CTNNA2: variants seen among roughly 807,000 people sequenced by gnomAD.
The protein encoded by CTNNA2 is catenin alpha 2.
CTNNA2 carries 42 observed loss-of-function variants against 101.0 expected under a neutral mutation model. That is an observed-to-expected ratio of 0.42 (90% confidence interval 0.32 to 0.54). CTNNA2 has a LOEUF of 0.54. Ranked by LOEUF, CTNNA2 falls within the 20% of genes least tolerant of loss-of-function variation. CTNNA2 has a pLI of 0.14. For synonymous variants in CTNNA2, 450 were observed against 456.4 expected (o/e 0.99, Z 0.18); for missense variants, 871 against 1,223.1 (o/e 0.71, Z 4.29).
chr2:80,228,790 T>C (rs1709036644), intron 7 of CTNNA2, among the ~76,000 whole-genome samples: 1 of 152,218 alleles, frequency 6.6e-6, no homozygotes, highest in Non-Finnish European at 1.5e-5. Context: ...TAGGAGAGCT[T>C]ACGTCACCAT....
intron 7 of CTNNA2, among the ~76,000 whole-genome samples, chr2:79,986,375 AC>A (rs1440808441): frequency 6.6e-6 from 1 of 152,036 alleles, no homozygotes; most frequent in African/African-American, 2.4e-5. Flanking sequence ...TCTTGGCCCT[AC>A]CTACGGCACC....
chr2:79,337,037 A>G (rs1367227701), intron 3 of CTNNA2, among the ~76,000 whole-genome samples: 1 of 152,122 alleles, frequency 6.6e-6, no homozygotes, highest in Non-Finnish European at 1.5e-5. Flanking sequence ...CCTCTACTAG[A>G]TGCCTTTTCT....
intron 7 of CTNNA2, among the ~76,000 whole-genome samples, chr2:79,913,429 T>A (rs935335771): frequency 1.3e-5 from 2 of 152,148 alleles, no homozygotes; most frequent in African/African-American, 2.4e-5. Flanking sequence ...TGTATGGTGC[T>A]GAGGCATCAG....
At chr2:79,973,243 T>A (rs1057497162) in intron 7 of CTNNA2, among the ~76,000 whole-genome samples, 2 of 152,166 alleles carry the variant, frequency 1.3e-5, no homozygotes, top group Non-Finnish European at 2.9e-5. Flanking sequence ...TCAAAATCAA[T>A]GGCTGATGTT....
At chr2:79,306,415 T>C (rs1269250884) in intron 2 of CTNNA2, among the ~76,000 whole-genome samples, 1 of 152,230 alleles carries the variant, frequency 6.6e-6, no homozygotes, top group Non-Finnish European at 1.5e-5. Context: ...ATTTAGACAT[T>C]TCAAAATGTA....
intron 7 of CTNNA2, among the ~76,000 whole-genome samples, chr2:80,157,914 G>T (rs1027233846): frequency 6.6e-6 from 1 of 152,104 alleles, no homozygotes; most frequent in Non-Finnish European, 1.5e-5. Flanking sequence ...ATACAGACTG[G>T]CAGGAAATTT....
intron 7 of CTNNA2, among the ~76,000 whole-genome samples, chr2:80,111,867 T>C (rs898635028): frequency 2.0e-5 from 3 of 152,214 alleles, no homozygotes; most frequent in African/African-American, 7.2e-5. Flanking sequence ...TGAAGTTTGC[T>C]AGTGGCAAAT....
At chr2:79,549,605 A>G (rs977910180) in intron 1 of CTNNA2, among the ~76,000 whole-genome samples, 1 of 152,196 alleles carries the variant, frequency 6.6e-6, no homozygotes, top group African/African-American at 2.4e-5. Context: ...AATCAGCTCA[A>G]TGGCTAAATA....
intron 7 of CTNNA2, among the ~76,000 whole-genome samples, chr2:79,938,508 ATAT>A (rs1346323547): frequency 2.0e-5 from 3 of 152,214 alleles, no homozygotes; most frequent in Non-Finnish European, 4.4e-5. Flanking sequence ...CTGTCAGAAA[ATAT>A]TATTATCCAA....
intron 7 of CTNNA2, among the ~76,000 whole-genome samples, chr2:79,933,140 C>A (rs904147614): frequency 5.9e-5 from 9 of 152,098 alleles, no homozygotes; most frequent in Admixed American, 2.6e-4. Context: ...GTTAACATCA[C>A]CACTACCACC....
At chr2:79,976,090 C>T (rs1690822003) in intron 7 of CTNNA2, among the ~76,000 whole-genome samples, 2 of 152,138 alleles carry the variant, frequency 1.3e-5, no homozygotes, top group African/African-American at 2.4e-5. Flanking sequence ...ACTCATCACT[C>T]TGGAAATTCT....
chr2:79,188,582 G>A (rs945542536), intron 1 of CTNNA2, among the ~76,000 whole-genome samples: 2 of 152,198 alleles, frequency 1.3e-5, no homozygotes, highest in Non-Finnish European at 2.9e-5. Context: ...ACAGACAATA[G>A]ACAACAGAGA....
At chr2:80,004,351 G>A (rs1055280729) in intron 7 of CTNNA2, among the ~76,000 whole-genome samples, 8 of 152,144 alleles carry the variant, frequency 5.3e-5, no homozygotes, top group Non-Finnish European at 7.3e-5. Context: ...TAAGGTTAGT[G>A]GAGAAAGGGA....
At chr2:79,995,523 A>C (rs2103924670) in intron 7 of CTNNA2, among the ~76,000 whole-genome samples, 1 of 152,300 alleles carries the variant, frequency 6.6e-6, no homozygotes, top group Non-Finnish European at 1.5e-5. Context: ...AGTTTTTAAA[A>C]GTCTGGGCCA....
chr2:79,863,182 A>G (rs928375328), intron 4 of CTNNA2, among the ~76,000 whole-genome samples: 4 of 152,142 alleles, frequency 2.6e-5, no homozygotes, highest in East Asian at 1.9e-4. Context: ...ATTAGGCACA[A>G]TTGGCCTCTC....
At chr2:79,750,734 T>G (rs1429970945) in intron 3 of CTNNA2, among the ~76,000 whole-genome samples, 3 of 151,950 alleles carry the variant, frequency 2.0e-5, no homozygotes, top group Non-Finnish European at 4.4e-5. Flanking sequence ...AACCAGGGGT[T>G]GTGGCAGGCA....
chr2:80,128,094 T>C (rs1702233344), intron 7 of CTNNA2, among the ~76,000 whole-genome samples: 1 of 151,940 alleles, frequency 6.6e-6, no homozygotes, highest in Admixed American at 6.6e-5. Flanking sequence ...AAGATAGGTT[T>C]TTGGGGAAAA....
chr2:79,967,988 A>G (rs539662035), intron 7 of CTNNA2, among the ~76,000 whole-genome samples: 5 of 152,338 alleles, frequency 3.3e-5, no homozygotes, highest in East Asian at 1.9e-4. Context: ...TTTATATAAA[A>G]TATCCAGAAT....
intron 9 of CTNNA2, among the ~76,000 whole-genome samples, chr2:80,429,891 T>G (rs1681334492): frequency 6.6e-6 from 1 of 152,214 alleles, no homozygotes; most frequent in African/African-American, 2.4e-5. Context: ...AGTATTTTTA[T>G]GTCAAAGGTC....
Sources: gnomAD v4.1 joint callset for allele counts (sites outside exome capture counted in the v4.1 genomes callset) on GRCh38, gnomAD v4.1.1 for gene constraint, MANE v1.5 for transcripts, NCBI Gene and HGNC (gene_info 2026-07-23, HGNC 2026-07-21) for gene names.